The following ZBTB7C variants were observed in gnomAD, a reference collection of about 807,000 sequenced individuals.
ZBTB7C encodes the protein zinc finger and BTB domain-containing protein 7C.
ZBTB7C carries 8 observed loss-of-function variants against 25.7 expected under a neutral mutation model. The observed-to-expected ratio is 0.31, with a 90% CI of 0.18 to 0.56. The LOEUF (loss-of-function observed/expected upper bound fraction) is 0.56, where lower values mean the gene tolerates loss of function less well. Ranked by LOEUF, ZBTB7C falls within the 20% of genes least tolerant of loss-of-function variation. The pLI is 0.91. For synonymous variants in ZBTB7C, 394 were observed against 369.0 expected, an observed-to-expected ratio of 1.07 and a Z score of -0.78; for missense variants, 824 against 855.2, an observed-to-expected ratio of 0.96 and a Z score of 0.46.
chr18:48,134,750 G>A (rs1445064258), intron 3 of ZBTB7C, among the ~76,000 whole-genome samples: 1 of 152,236 alleles, frequency 6.6e-6, no homozygotes, highest in Non-Finnish European at 1.5e-5. Context: ...AGAGATGCCA[G>A]TACTCTCAGA....
At chr18:48,308,803 T>C (rs1285302391) in intron 2 of ZBTB7C, among the ~76,000 whole-genome samples, 1 of 152,198 alleles carries the variant, frequency 6.6e-6, no homozygotes, top group Admixed American at 6.5e-5. Flanking sequence ...GGGAACTTGA[T>C]GGGGTACATT....
At chr18:48,320,461 G>T (rs1321208763) in intron 2 of ZBTB7C, among the ~76,000 whole-genome samples, 2 of 152,194 alleles carry the variant, frequency 1.3e-5, no homozygotes, top group Non-Finnish European at 2.9e-5. Flanking sequence ...GAGAACTGGG[G>T]GCAGAGGCTG....
intron 3 of ZBTB7C, among the ~76,000 whole-genome samples, chr18:48,113,971 G>C (rs2039336283): frequency 6.6e-6 from 1 of 152,184 alleles, no homozygotes; most frequent in African/African-American, 2.4e-5. Flanking sequence ...AAATAGGAGG[G>C]TGGTGGTGTC....
At chr18:48,061,807 T>G (rs1183239471) in intron 3 of ZBTB7C, among the ~76,000 whole-genome samples, 1 of 152,134 alleles carries the variant, frequency 6.6e-6, no homozygotes, top group Non-Finnish European at 1.5e-5. Flanking sequence ...AGCCTGGAGG[T>G]TCACATCACT....
chr18:48,216,944 G>A (rs1422900371), intron 2 of ZBTB7C, among the ~76,000 whole-genome samples: 1 of 152,192 alleles, frequency 6.6e-6, no homozygotes, highest in African/African-American at 2.4e-5. Flanking sequence ...AATCTAGCCT[G>A]ACTGGTGTCC....
chr18:48,394,996 T>A (rs2047987322), intron 1 of ZBTB7C, among the ~76,000 whole-genome samples: 1 of 152,068 alleles, frequency 6.6e-6, no homozygotes, highest in African/African-American at 2.4e-5. Flanking sequence ...TTTGCACACA[T>A]CCCAAGAATG....
At chr18:48,165,912 G>A (rs775433160) in intron 3 of ZBTB7C, among the ~76,000 whole-genome samples, 1 of 152,194 alleles carries the variant, frequency 6.6e-6, no homozygotes, top group Non-Finnish European at 1.5e-5. Context: ...TGGATTCAAA[G>A]CTGATCTTTC....
chr18:48,051,833 G>C (rs562976792), intron 3 of ZBTB7C, among the ~76,000 whole-genome samples: 2 of 152,144 alleles, frequency 1.3e-5, no homozygotes, highest in Admixed American at 1.3e-4. Flanking sequence ...CACCCTGGCC[G>C]GGTTGGCCAT....
chr18:48,083,902 T>C (rs1430764078), intron 3 of ZBTB7C: 6 of 985,282 alleles, frequency 6.1e-6, no homozygotes, highest in East Asian at 1.1e-4. Flanking sequence ...GTGGACCCAT[T>C]TGGTGAACTT....
At chr18:48,349,592 T>C (rs2046817816) in intron 1 of ZBTB7C, among the ~76,000 whole-genome samples, 1 of 152,168 alleles carries the variant, frequency 6.6e-6, no homozygotes, top group Admixed American at 6.5e-5. Context: ...CTGAAATGAA[T>C]GATGTCCATG....
At chr18:48,124,598 G>C (rs2039738628) in intron 3 of ZBTB7C, among the ~76,000 whole-genome samples, 1 of 152,140 alleles carries the variant, frequency 6.6e-6, no homozygotes, top group African/African-American at 2.4e-5. Flanking sequence ...GTTTGGAGAT[G>C]GTGGGCTGAA....
intron 3 of ZBTB7C, among the ~76,000 whole-genome samples, chr18:48,114,958 A>G (rs1225966478): frequency 6.6e-6 from 1 of 152,242 alleles, no homozygotes; most frequent in Non-Finnish European, 1.5e-5. Context: ...CCACATTTAA[A>G]TATATAATTC....
chr18:48,373,436 T>C (rs2047436423), intron 1 of ZBTB7C, among the ~76,000 whole-genome samples: 1 of 152,154 alleles, frequency 6.6e-6, no homozygotes. Flanking sequence ...CTCTTTTCTT[T>C]ATAAATTACC....
At chr18:48,119,806 T>C (rs2039566924) in intron 3 of ZBTB7C, among the ~76,000 whole-genome samples, 1 of 152,066 alleles carries the variant, frequency 6.6e-6, no homozygotes, top group African/African-American at 2.4e-5. Context: ...TAAATAACAA[T>C]CTCATTGATG....
chr18:48,216,041 T>C (rs1036539143), intron 2 of ZBTB7C, among the ~76,000 whole-genome samples: 21 of 152,102 alleles, frequency 1.4e-4, no homozygotes, highest in African/African-American at 5.1e-4. Flanking sequence ...AGGAGGAGAG[T>C]ATAATAAGGC....
At chr18:48,222,189 A>AC (rs1479140296) in intron 2 of ZBTB7C, among the ~76,000 whole-genome samples, 3 of 150,704 alleles carry the variant, frequency 2.0e-5, no homozygotes, top group Non-Finnish European at 4.4e-5. Context: ...TCCCTGCTGC[A>AC]CCCTCCCTAG....
intron 3 of ZBTB7C, among the ~76,000 whole-genome samples, chr18:48,112,919 T>C (rs552476685): frequency 6.6e-6 from 1 of 152,186 alleles, no homozygotes; most frequent in Non-Finnish European, 1.5e-5. Flanking sequence ...AATAACTGTG[T>C]GGTCTCTCAA....
rs952844282 is a variant in ZBTB7C, at chr18:48,044,208, C to T, written c.-16-3085G>A. Among the ~76,000 whole-genome samples, 3 of 152,222 alleles carry T rather than the reference C, an allele frequency of 2.0e-5. 1 individual carries two copies. The highest frequency in any genetic ancestry group is 1.5e-5 in the Non-Finnish European group (1 of 68,040). On this transcript the variant is annotated intron_variant, in intron 3 of 4. Transcript: ENST00000590800. ...ATGGACCATACCCACCCAGATCCCT[C>T]GAGGGCCTGTGTAGGATTAGTTGAT...
chr18:48,031,608 A>G (rs1237003956), intron 4 of ZBTB7C, among the ~76,000 whole-genome samples: 1 of 152,214 alleles, frequency 6.6e-6, no homozygotes, highest in East Asian at 1.9e-4. Context: ...AGGACTCAAT[A>G]AAACAGTGCT....
Sources: allele counts gnomAD v4.1 joint callset (sites outside exome capture counted in the v4.1 genomes callset), GRCh38; gene constraint gnomAD v4.1.1; transcripts MANE v1.5; gene names NCBI Gene and HGNC (gene_info 2026-07-23, HGNC 2026-07-21).